The following CLCN1 variants were observed in gnomAD, a reference collection of about 807,000 sequenced individuals.
CLCN1 encodes the protein chloride channel protein 1.
CLCN1 carries 100 observed loss-of-function variants against 114.5 expected under a neutral mutation model. The observed-to-expected ratio is 0.87, with a 90% confidence interval of 0.74 to 1.03. The LOEUF is 1.03. Ranked by LOEUF, CLCN1 falls within the 50% of genes least tolerant of loss-of-function variation. CLCN1 has a pLI of 0.00. For missense variants in CLCN1, 1,188 were observed against 1,250.0 expected (o/e 0.95, Z 0.75); for synonymous variants, 485 against 487.1 (o/e 1.00, Z 0.06).
chr7:143,322,781 A>G (rs1464537783), intron 5 of CLCN1, among the ~76,000 whole-genome samples: 1 of 152,254 alleles, frequency 6.6e-6, no homozygotes, highest in Admixed American at 6.5e-5. Context: ...TTGGCCTTGC[A>G]AAGTGCTGGG....
At chr7:143,328,156 G>T (rs1802622166) in intron 7 of CLCN1, among the ~76,000 whole-genome samples, 1 of 152,178 alleles carries the variant, frequency 6.6e-6, no homozygotes, top group South Asian at 2.1e-4. Context: ...ACATATCTAG[G>T]TGAGACCATT....
Position 143,316,522 on chromosome 7 carries a change from G to T in CLCN1, c.180+130G>T, listed in dbSNP as rs193023003. On this transcript the variant is annotated intron_variant, in intron 1 of 22. Transcript: ENST00000343257. ...TTTTTTTAACTTAAAAAACAAGTAC[G>T]TGGTGATGTGTTCAAAATATGAAAA... 1.1e-5 allele frequency: 9 copies of T among 807,448 alleles called. No homozygotes were observed. In the South Asian group the frequency reaches 1.2e-4, roughly 11 times the overall value. 50.0% of individuals were successfully genotyped at this position (807,448 alleles called of 1,614,324 possible). A position where few individuals can be genotyped will look rare whatever the true frequency, so the allele number is the denominator to read the frequency against.
intron 7 of CLCN1, among the ~76,000 whole-genome samples, chr7:143,328,443 C>T (rs1019468853): frequency 2.0e-5 from 3 of 152,094 alleles, no homozygotes; most frequent in African/African-American, 7.2e-5. Context: ...TGCTTTGTTT[C>T]CTCTTAGCTG....
chr7:143,339,663 C>A lies in CLCN1; in HGVS notation c.1582+42C>A. 8.4e-7 allele frequency: 1 copy of A among 1,185,732 alleles called. No individual in the cohort carries two copies. Among genetic ancestry groups the A allele is most frequent in the Non-Finnish European group, 1.3e-6 (1 of 789,242 alleles). The allele number at this position is 1,185,732 out of a possible 1,614,324, so 73.5% of individuals were successfully genotyped here. On this transcript the variant is annotated intron_variant, in intron 14 of 22. Transcript: ENST00000343257. This position sits in a 1 kb window ranked among gnomAD's most constrained non-coding sequence, Gnocchi z 4.1. ...CTTCCCTGTAATCAAACATTGAGTA[C>A]TTCAGATCCCCACACTTAAACTCTC... is the stretch of plus-strand genomic sequence containing the variant.
Position 143,350,530 on chromosome 7 carries a change from G to T in CLCN1, c.2509-38G>T, listed in dbSNP as rs769786125. 3.5e-5 allele frequency: 56 copies of T among 1,609,850 alleles called. No homozygotes were observed. Among genetic ancestry groups the T allele is most frequent in the Non-Finnish European group, 4.2e-5 (49 of 1,176,250 alleles). The stretch of plus-strand genomic sequence containing the variant: ...GTGGGGAAGGCAGGAGAGCTGTGGG[G>T]CAAGGAACATGCACTGACCTGTGCT... On this transcript the variant is annotated intron_variant, in intron 21 of 22. Transcript: ENST00000343257. The surrounding 1 kb of genome is among the most constrained non-coding windows in gnomAD (Gnocchi z 5.1).
At position 143,350,421 on chromosome 7, in the gene CLCN1, C is replaced by A. The variant is rs560251067; in HGVS notation, c.2453C>A (p.Ser818Tyr). Reference sequence around the variant, plus strand: ...CTGAGCCAGCCTGTCTGTTTTGATTCCTGCTGTATTGACCAGTCTCCCTTC... The same window carrying A: ...CTGAGCCAGCCTGTCTGTTTTGATTACTGCTGTATTGACCAGTCTCCCTTC... ...EQLSQPVCFDSCCIDQSPFQL... is the reference protein window; with the variant it reads ...EQLSQPVCFDYCCIDQSPFQL... Residue 818 changes from serine to tyrosine, a missense_variant, in exon 21 of 23, where the codon TCC becomes TAC. Physicochemically the swap from Ser to Tyr is moderately radical, Grantham distance 144. Transcript: ENST00000343257. The surrounding 1 kb of genome is among the most constrained non-coding windows in gnomAD (Gnocchi z 5.1). 1.2e-6 allele frequency: 2 copies of A among 1,614,184 alleles called. No homozygotes were observed. Among genetic ancestry groups the A allele is most frequent in the African/African-American group, 2.7e-5 (2 of 75,038 alleles).
intron 15 of CLCN1, 38 bp downstream of exon 15, chr7:143,342,180 G>T (rs1446998111): frequency 6.3e-7 from 1 of 1,586,604 alleles, no homozygotes; most frequent in Non-Finnish European, 8.7e-7. Flanking sequence ...AGATCTGATG[G>T]GGAGAGTGGG....
intron 7 of CLCN1, 40 bp from the exon 8 acceptor site, chr7:143,330,732 A>G: frequency 1.4e-5 from 23 of 1,613,336 alleles, no homozygotes; most frequent in Non-Finnish European, 1.9e-5. Flanking sequence ...GAGCACTTTC[A>G]CTGCTGGCTG....
intron 7 of CLCN1, among the ~76,000 whole-genome samples, chr7:143,326,282 G>C (rs1354973229): frequency 1.9e-5 from 2 of 103,438 alleles, no homozygotes; most frequent in Non-Finnish European, 3.6e-5. Flanking sequence ...CCTATTACTT[G>C]ATTTTTAAAA....
chr7:143,351,811 C>T lies in CLCN1; in HGVS notation c.2813C>T (p.Pro938Leu), dbSNP rs370887921. ...CCTGTGCCATCTCCTTCCCCAGAGCCCCCTCTCTCCCTGGCCCCAGGCAAG... is the reference window on the plus strand; with the variant it reads ...CCTGTGCCATCTCCTTCCCCAGAGCTCCCTCTCTCCCTGGCCCCAGGCAAG... ...ETPVPSPSPEPPLSLAPGKVE... is the reference protein window; with the variant it reads ...ETPVPSPSPELPLSLAPGKVE... The change falls in exon 23 of 23, where the codon CCC (proline) becomes CTC (leucine). Residue 938 changes from proline to leucine, a missense_variant. Coordinates refer to ENST00000343257, the MANE Select transcript of CLCN1 (RefSeq NM_000083.3). The T allele has an allele frequency of 6.8e-6, 11 of 1,614,000 alleles. No homozygotes were observed. The highest frequency in any genetic ancestry group is 2.2e-5 in the East Asian group (1 of 44,874).
At chr7:143,347,111 G>T (rs1803269465) in intron 20 of CLCN1, among the ~76,000 whole-genome samples, 162 bp downstream of exon 20, 1 of 152,164 alleles carries the variant, frequency 6.6e-6, no homozygotes, top group Non-Finnish European at 1.5e-5. Flanking sequence ...AGAGAGTAAT[G>T]AGTGTGTGAT....
chr7:143,321,019 C>G lies in CLCN1; in HGVS notation c.433+224C>G, dbSNP rs948062510. On this transcript the variant is annotated intron_variant, in intron 3 of 22. Coordinates refer to ENST00000343257, the MANE Select transcript of CLCN1 (RefSeq NM_000083.3). This position sits in a 1 kb window ranked among gnomAD's most constrained non-coding sequence, Gnocchi z 4.2. ...TGCCACCCAAGCAGTGGATGCCCCT[C>G]TAATAGGGTGGCCAACTTGCCCCAG... Among the ~76,000 whole-genome samples the G allele has an allele frequency of 2.0e-5, 3 of 152,190 alleles. No individual in the cohort carries two copies. The highest frequency in any genetic ancestry group is 2.4e-5 in the African/African-American group (1 of 41,446).
chr7:143,345,595 C>A lies in CLCN1; in HGVS notation c.2005C>A (p.Arg669Ser), dbSNP rs748537564. Residue 669 changes from arginine to serine, a missense_variant, in exon 17 of 23, where the codon CGC becomes AGC. By Grantham distance (110) the Arg-to-Ser change is moderately radical. Transcript: ENST00000343257. The part of the protein sequence containing the change: ...ALLQRHLCPE[R>S]RLRAAQEMAR... ...CCTGCAGCGCCACCTGTGTCCTGAGCGCAGGCTGCGCGCAGCCCAAGAGAT... is the reference window on the plus strand; with the variant it reads ...CCTGCAGCGCCACCTGTGTCCTGAGAGCAGGCTGCGCGCAGCCCAAGAGAT... 4.4e-5 allele frequency: 69 copies of A among 1,552,436 alleles called. 3 individuals are homozygous for A. In the South Asian group the frequency reaches 7.7e-4, roughly 17 times the overall value.
chr7:143,338,938 G>T (rs1353769933), intron 12 of CLCN1, among the ~76,000 whole-genome samples: 1 of 152,204 alleles, frequency 6.6e-6, no homozygotes, highest in African/African-American at 2.4e-5. Flanking sequence ...GGCTCTTTTG[G>T]GGCAGAGAAA....
At position 143,319,874 on chromosome 7, in the gene CLCN1, A is replaced by T; in HGVS notation, c.300A>T (p.Gln100His). The change falls in exon 2 of 23, where the codon CAA becomes CAT. Residue 100 changes from glutamine to histidine, a missense_variant and splice_region_variant. By Grantham distance (24) the Gln-to-His change is conservative (BLOSUM62 0). Coordinates refer to ENST00000343257, the MANE Select transcript of CLCN1 (RefSeq NM_000083.3). ...SKDEDHYSKC[Q>H]DCIHRLGQVV... ...ATGAGGATCACTATTCTAAATGTCA[A>T]GGTGATGGGGACTGAGGAATAAAGA... 1 of 1,613,832 alleles carries T rather than the reference A, an allele frequency of 6.2e-7. No homozygotes were observed. The highest frequency in any genetic ancestry group is 8.5e-7 in the Non-Finnish European group (1 of 1,179,738).
Position 143,350,576 on chromosome 7 carries a change from C to G in CLCN1, c.2517C>G (p.Thr839=), listed in dbSNP as rs1021952035. 5 of 1,614,080 alleles carry G rather than the reference C, an allele frequency of 3.1e-6. No homozygotes were observed. Among genetic ancestry groups the G allele is most frequent in the Admixed American group, 1.7e-5 (1 of 60,012 alleles). Residue 839 remains threonine, a synonymous_variant, in exon 22 of 23, where the codon ACC becomes ACG. Transcript: ENST00000343257. The surrounding 1 kb of genome is among the most constrained non-coding windows in gnomAD (Gnocchi z 5.1). ...GTGCTCTTCATCCTCAGACTCATAC[C>G]CTGTTTTCACTCCTTGGCCTCCACC... ...VEQTTLHKTH[T]LFSLLGLHLA...
At position 143,346,917 on chromosome 7, in the gene CLCN1, A is replaced by G; in HGVS notation, c.2371A>G (p.Thr791Ala). Reference protein sequence around the residue: ...PTKKKTTQDSTDLVDNMSPEE... With the variant: ...PTKKKTTQDSADLVDNMSPEE... ...CTATGTCTTTCTTCTCTAGGATTCC[A>G]CAGATTTAGTGGATAACATGTCACC... Residue 791 changes from threonine (T) to alanine (A), a missense_variant, in exon 20 of 23, where the codon ACA becomes GCA. By Grantham distance (58) the Thr-to-Ala change is moderately conservative (BLOSUM62 0). Coordinates refer to ENST00000343257, the MANE Select transcript of CLCN1 (RefSeq NM_000083.3). 1.2e-6 allele frequency: 2 copies of G among 1,613,844 alleles called. No homozygotes were observed. The highest frequency in any genetic ancestry group is 1.1e-5 in the South Asian group (1 of 91,074).
At chr7:143,347,620 CAAA>C (rs57147641) in intron 20 of CLCN1, among the ~76,000 whole-genome samples, 8 of 94,954 alleles carry the variant, frequency 8.4e-5, no homozygotes, top group South Asian at 4.1e-4. Context: ...GACTTTGCCT[CAAA>C]AAAAAAAAAA....
intron 7 of CLCN1, among the ~76,000 whole-genome samples, chr7:143,328,841 T>C (rs1038309479): frequency 2.0e-5 from 3 of 152,168 alleles, no homozygotes; most frequent in Non-Finnish European, 4.4e-5. Flanking sequence ...TTCTGTTCTC[T>C]TCTGTTCTCT....
Sources: gnomAD v4.1 joint callset for allele counts (sites outside exome capture counted in the v4.1 genomes callset) on GRCh38, gnomAD v4.1.1 for gene constraint, Gnocchi (gnomAD v3.1) non-coding constraint, MANE v1.5 for transcripts, NCBI Gene and HGNC (gene_info 2026-07-23, HGNC 2026-07-21) for gene names.